Variants in LARGE1 observed in about 807,000 individuals in gnomAD.
LARGE1 encodes xylosyl- and glucuronyltransferase LARGE1.
In LARGE1, 43 loss-of-function variants were observed where a neutral mutation model predicts 87.6. The ratio of observed to expected loss-of-function variants is 0.49; its 90% CI spans 0.38 to 0.63. The LOEUF (loss-of-function observed/expected upper bound fraction) is 0.63. Ranked by LOEUF, LARGE1 falls within the 30% of genes least tolerant of loss-of-function variation. The probability of loss-of-function intolerance (pLI) is 0.00; values close to 1 mark genes in which losing one functional copy is unlikely to be tolerated. For missense variants in LARGE1, 802 were observed against 1,000.2 expected, an observed-to-expected ratio of 0.80 and a Z score of 2.67; for synonymous variants, 434 against 394.6, an observed-to-expected ratio of 1.10 and a Z score of -1.18.
intron 2 of LARGE1, among the ~76,000 whole-genome samples, chr22:33,686,221 A>G (rs2081938701): frequency 6.6e-6 from 1 of 152,044 alleles, no homozygotes; most frequent in Non-Finnish European, 1.5e-5. Context: ...TGAGATGCTC[A>G]ATGTCCCTCC....
At chr22:33,370,436 G>GT (rs2064765810) in intron 9 of LARGE1, among the ~76,000 whole-genome samples, 1 of 152,074 alleles carries the variant, frequency 6.6e-6, no homozygotes, top group Non-Finnish European at 1.5e-5. Context: ...GGTAAAAGAG[G>GT]TTTTTTAAAA....
chr22:33,263,647 G>T (rs1311482255), intron 11 of LARGE1, among the ~76,000 whole-genome samples: 1 of 152,234 alleles, frequency 6.6e-6, no homozygotes, highest in Non-Finnish European at 1.5e-5. Flanking sequence ...CCTTGCAAGA[G>T]CCTGAGCACA....
chr22:33,806,750 G>T (rs1381676241), intron 1 of LARGE1, among the ~76,000 whole-genome samples: 3 of 152,162 alleles, frequency 2.0e-5, no homozygotes, highest in Non-Finnish European at 4.4e-5. Flanking sequence ...GATGGCTCAT[G>T]CCTGTAATCT....
At chr22:33,781,747 A>C (rs1252153076) in intron 1 of LARGE1, among the ~76,000 whole-genome samples, 1 of 152,210 alleles carries the variant, frequency 6.6e-6, no homozygotes, top group Non-Finnish European at 1.5e-5. Flanking sequence ...TAATTTACGT[A>C]AGTGACCGCA....
chr22:33,642,709 G>GC (rs1569335896), intron 3 of LARGE1, among the ~76,000 whole-genome samples: 46 of 11,170 alleles, frequency 4.1e-3, no homozygotes, highest in Admixed American at 5.9e-3. Flanking sequence ...CAAATGGAAA[G>GC]CAAAAAAAAA....
At chr22:33,562,001 A>C (rs1007767429) in intron 6 of LARGE1, among the ~76,000 whole-genome samples, 3 of 152,222 alleles carry the variant, frequency 2.0e-5, no homozygotes, top group Admixed American at 6.5e-5. Flanking sequence ...CTGTTCTCAA[A>C]AAGTGAAAAA....
chr22:33,756,032 A>C lies in LARGE1; in HGVS notation c.106+5339T>G, dbSNP rs2084500422. On this transcript the variant is annotated intron_variant, in intron 2 of 14. Transcript: ENST00000397394. Reference sequence around the variant, plus strand: ...AAAAAAGAACTGAATAGTGGGCAGTAAGACCGCAAGAGTGAAAATTAAGAA... The same window carrying C: ...AAAAAAGAACTGAATAGTGGGCAGTCAGACCGCAAGAGTGAAAATTAAGAA... Among the ~76,000 whole-genome samples, 3 of 152,200 alleles carry C rather than the reference A, an allele frequency of 2.0e-5. No homozygotes were observed. The South Asian group carries it at 6.2e-4, about 32-fold the overall frequency.
intron 1 of LARGE1, among the ~76,000 whole-genome samples, chr22:33,913,071 A>AT: frequency 6.6e-6 from 1 of 152,224 alleles, no homozygotes; most frequent in East Asian, 1.9e-4. Context: ...ACCTCAGGTG[A>AT]TCCCCCCACC....
At chr22:33,673,693 T>TTTTTTA (rs1008758068) in intron 2 of LARGE1, among the ~76,000 whole-genome samples, 3 of 152,242 alleles carry the variant, frequency 2.0e-5, no homozygotes, top group South Asian at 2.1e-4. Flanking sequence ...CTCCCCATTC[T>TTTTTTA]TTTTTATTTT....
At chr22:33,312,358 C>T (rs916323200) in intron 11 of LARGE1, among the ~76,000 whole-genome samples, 7 of 149,906 alleles carry the variant, frequency 4.7e-5, no homozygotes, top group African/African-American at 1.2e-4. Context: ...GAGAATCGCT[C>T]GAACCCAGAA....
chr22:33,180,897 A>T (rs1056106546), intron 11 of LARGE1, among the ~76,000 whole-genome samples: 6 of 152,214 alleles, frequency 3.9e-5, no homozygotes, highest in Non-Finnish European at 5.9e-5. Context: ...AAAGTAGATT[A>T]GTGATTTCTG....
intron 1 of LARGE1, among the ~76,000 whole-genome samples, chr22:33,889,975 T>A (rs887814059): frequency 2.0e-5 from 3 of 152,134 alleles, no homozygotes; most frequent in African/African-American, 7.2e-5. Context: ...ATGTCAGTGC[T>A]GAAAGGGAGG....
At chr22:33,687,847 T>C (rs897943508) in intron 2 of LARGE1, among the ~76,000 whole-genome samples, 9 of 152,104 alleles carry the variant, frequency 5.9e-5, no homozygotes, top group African/African-American at 2.2e-4. Context: ...AATACTAATA[T>C]TTGTCCTATT....
chr22:33,230,869 G>C (rs1237115764), intron 11 of LARGE1, among the ~76,000 whole-genome samples: 2 of 152,226 alleles, frequency 1.3e-5, no homozygotes, highest in Non-Finnish European at 2.9e-5. Flanking sequence ...ACCATCAAGA[G>C]AGTAGGTGTC....
At chr22:33,662,476 A>T (rs980860665) in intron 2 of LARGE1, among the ~76,000 whole-genome samples, 1 of 150,966 alleles carries the variant, frequency 6.6e-6, no homozygotes, top group African/African-American at 2.4e-5. Context: ...CAAACTCCCC[A>T]CCCCTTGCCT....
At chr22:33,408,504 A>G (rs886566724) in intron 7 of LARGE1, among the ~76,000 whole-genome samples, 1 of 152,096 alleles carries the variant, frequency 6.6e-6, no homozygotes, top group Non-Finnish European at 1.5e-5. Flanking sequence ...TGTGAGAATC[A>G]TGTCTTCGTG....
chr22:33,805,775 ATAAAT>A (rs1401718643), intron 1 of LARGE1, among the ~76,000 whole-genome samples: 1 of 151,808 alleles, frequency 6.6e-6, no homozygotes, highest in Non-Finnish European at 1.5e-5. Context: ...AAATAAATAA[ATAAAT>A]AAATAAAATA....
intron 12 of LARGE1, among the ~76,000 whole-genome samples, chr22:33,285,026 G>A (rs537960146): frequency 3.3e-5 from 5 of 152,308 alleles, no homozygotes; most frequent in East Asian, 3.9e-4. Flanking sequence ...CCTGTGGACC[G>A]AACAAGGTCG....
At chr22:33,447,106 C>G (rs750580556) in intron 6 of LARGE1, among the ~76,000 whole-genome samples, 2 of 152,182 alleles carry the variant, frequency 1.3e-5, no homozygotes. Context: ...GGTGGCCAGG[C>G]TGGTCTTGAA....
Sources: allele counts gnomAD v4.1 joint callset (sites outside exome capture counted in the v4.1 genomes callset), GRCh38; gene constraint gnomAD v4.1.1; transcripts MANE v1.5; gene names NCBI Gene and HGNC (gene_info 2026-07-23, HGNC 2026-07-21).